The following SLC39A11 variants were observed in gnomAD, a reference collection of about 807,000 sequenced individuals.
SLC39A11 encodes the protein zinc transporter ZIP11.
A neutral mutation model predicts 36.1 loss-of-function variants in SLC39A11; 33 were observed. That is an observed-to-expected ratio of 0.91 (90% CI 0.69 to 1.22). The LOEUF (loss-of-function observed/expected upper bound fraction) is 1.22. SLC39A11 is among the 50% of genes most tolerant of loss of function. The pLI is 0.00. For synonymous variants in SLC39A11, 166 were observed against 170.3 expected (o/e 0.97, Z 0.20); for missense variants, 432 against 430.3 (o/e 1.00, Z -0.03).
rs562720765 is a variant in SLC39A11, at chr17:73,073,591, G to A, written c.147+11217C>T. ...AGTGCAGAACAAGCAAACCTGCAAA[G>A]AATAGAACCTTGGAGGCCCTGGGGC... On this transcript the variant is annotated intron_variant, in intron 3 of 9. Transcript: ENST00000255559. 3 of 152,280 alleles carry A rather than the reference G, an allele frequency of 2.0e-5. No homozygotes were observed. The East Asian group carries it at 5.8e-4, about 29-fold the overall frequency. 9.4% of individuals were successfully genotyped at this position (152,280 alleles called of 1,614,324 possible).
intron 7 of SLC39A11, among the ~76,000 whole-genome samples, chr17:72,710,728 A>C (rs2073077412): frequency 6.6e-6 from 1 of 152,244 alleles, no homozygotes; most frequent in African/African-American, 2.4e-5. Flanking sequence ...TTTTATTTCC[A>C]AGAAGCCACG....
At position 73,088,706 on chromosome 17, in the gene SLC39A11, C is replaced by T. The variant is rs778776401; in HGVS notation, c.59G>A (p.Gly20Glu). 3.1e-6 allele frequency: 5 copies of T among 1,612,670 alleles called. No homozygotes were observed. Among genetic ancestry groups the T allele is most frequent in the South Asian group, 1.1e-5 (1 of 90,642 alleles). ...QALLGTFFTW[G>E]MTAAGAALVF... The stretch of plus-strand genomic sequence containing the variant: ...GAGAGCTGCCCCAGCTGCTGTCATC[C>T]CCCAGGTGAAGAAGGTCCCCAGCAA... Residue 20 changes from glycine to glutamate, a missense_variant, in exon 2 of 10, where the codon GGG (glycine) becomes GAG (glutamate). By Grantham distance (98) the Gly-to-Glu change is moderately conservative. Transcript: ENST00000255559.
chr17:72,965,921 C>T (rs1327223454), intron 4 of SLC39A11, among the ~76,000 whole-genome samples: 1 of 152,174 alleles, frequency 6.6e-6, no homozygotes, highest in Non-Finnish European at 1.5e-5. Flanking sequence ...TGCTCTATAC[C>T]AAACCATCCA....
intron 6 of SLC39A11, among the ~76,000 whole-genome samples, chr17:72,770,231 C>G (rs972363835): frequency 5.3e-5 from 8 of 152,206 alleles, no homozygotes; most frequent in African/African-American, 1.9e-4. Context: ...AGAACAAATA[C>G]TGTCTGATCC....
intron 5 of SLC39A11, among the ~76,000 whole-genome samples, chr17:72,926,679 A>G (rs1014814673): frequency 9.9e-5 from 15 of 152,012 alleles, no homozygotes; most frequent in African/African-American, 3.6e-4. Context: ...GACCATTTCC[A>G]GGGAGCCCAA....
At chr17:73,036,508 G>A (rs750032704) in intron 3 of SLC39A11, among the ~76,000 whole-genome samples, 7 of 151,988 alleles carry the variant, frequency 4.6e-5, no homozygotes, top group Admixed American at 6.6e-5. Context: ...GTGCAGTAGC[G>A]TAATCTCAGC....
At chr17:72,995,825 T>C (rs1441951855) in intron 4 of SLC39A11, among the ~76,000 whole-genome samples, 1 of 152,204 alleles carries the variant, frequency 6.6e-6, no homozygotes, top group Admixed American at 6.5e-5. Context: ...CCTCCATAAC[T>C]GTGCAAACCA....
chr17:72,924,311 G>A (rs942953836), intron 5 of SLC39A11, among the ~76,000 whole-genome samples: 2 of 151,886 alleles, frequency 1.3e-5, no homozygotes, highest in Non-Finnish European at 2.9e-5. Flanking sequence ...GAGCAAAATT[G>A]CTACAGGAAA....
intron 4 of SLC39A11, among the ~76,000 whole-genome samples, chr17:73,022,180 T>C (rs1028683464): frequency 6.6e-6 from 1 of 152,244 alleles, no homozygotes; most frequent in African/African-American, 2.4e-5. Flanking sequence ...ATTCACCAGC[T>C]GCCCTAGAAA....
rs191659991 is a variant in SLC39A11, at chr17:72,789,268, C to T, written c.602-52549G>A. 2.6e-4 allele frequency among the ~76,000 whole-genome samples: 40 copies of T among 152,248 alleles called. No individual in the cohort carries two copies. In the East Asian group the frequency reaches 5.2e-3, roughly 20 times the overall value. Reference sequence around the variant, plus strand: ...CAGGCTGGTCTCAAACTCCTGACCTCGTGATCCGCCCGCCTAGGCCTCCCA... The same window carrying T: ...CAGGCTGGTCTCAAACTCCTGACCTTGTGATCCGCCCGCCTAGGCCTCCCA... On this transcript the variant is annotated intron_variant, in intron 6 of 9. Coordinates refer to ENST00000255559, the MANE Select transcript of SLC39A11 (RefSeq NM_139177.4).
intron 7 of SLC39A11, among the ~76,000 whole-genome samples, chr17:72,703,433 C>A (rs571805151): frequency 6.6e-6 from 1 of 152,008 alleles, no homozygotes; most frequent in Admixed American, 6.6e-5. Context: ...ACACAGTAAG[C>A]AAAAGAACAC....
chr17:72,649,090 C>G, intron 8 of SLC39A11, 80 bp downstream of exon 8: 2 of 1,555,210 alleles, frequency 1.3e-6, no homozygotes, highest in Non-Finnish European at 1.8e-6. Flanking sequence ...CATGGCAGTG[C>G]AAAAGCACAT....
chr17:73,067,940 C>T, intron 3 of SLC39A11: 2 of 1,602,048 alleles, frequency 1.2e-6, no homozygotes, highest in African/African-American at 2.7e-5. Flanking sequence ...AGAGAGAGTT[C>T]CAACTTCTTG....
chr17:72,906,442 G>T lies in SLC39A11; in HGVS notation c.430+41310C>A, dbSNP rs147665069. On this transcript the variant is annotated intron_variant, in intron 5 of 9. Coordinates refer to ENST00000255559, the MANE Select transcript of SLC39A11 (RefSeq NM_139177.4). ...CCTTCCTACCCAAAACCAGAACGGG[G>T]CTTGGCTGGGTCTGTGCACACAGTT... 6.2e-3 allele frequency among the ~76,000 whole-genome samples: 946 copies of T among 152,360 alleles called. 6 individuals are homozygous for T. Among genetic ancestry groups the T allele is most frequent in the Middle Eastern group, 0.014 (4 of 294 alleles).
At chr17:73,031,497 T>A (rs117499947) in intron 4 of SLC39A11, 59 bp downstream of exon 4, 12 of 1,576,788 alleles carry the variant, frequency 7.6e-6, no homozygotes, top group Middle Eastern at 1.7e-4. Flanking sequence ...CAGAAATAAA[T>A]TCATTGCACA....
intron 3 of SLC39A11, among the ~76,000 whole-genome samples, chr17:73,081,771 A>AAATG (rs2060542955): frequency 6.6e-6 from 1 of 150,458 alleles, no homozygotes; most frequent in Admixed American, 6.7e-5. Flanking sequence ...GTATATACAT[A>AAATG]TATATATCAT....
intron 4 of SLC39A11, among the ~76,000 whole-genome samples, chr17:72,984,438 T>C (rs1048214523): frequency 1.3e-5 from 2 of 152,088 alleles, no homozygotes; most frequent in African/African-American, 4.8e-5. Flanking sequence ...TTCCTTTCCC[T>C]TGGGTGTTGT....
chr17:72,706,681 G>C (rs1220401016), intron 7 of SLC39A11, among the ~76,000 whole-genome samples: 2 of 152,212 alleles, frequency 1.3e-5, no homozygotes, highest in Non-Finnish European at 2.9e-5. Flanking sequence ...ACCCAAGTTA[G>C]AGCTTGCTTA....
At chr17:73,054,191 G>A (rs931365523) in intron 3 of SLC39A11, among the ~76,000 whole-genome samples, 4 of 151,824 alleles carry the variant, frequency 2.6e-5, no homozygotes, top group African/African-American at 4.8e-5. Context: ...GTGAAACCCC[G>A]TGTCTACTAA....
Sources: gnomAD v4.1 joint callset for allele counts (sites outside exome capture counted in the v4.1 genomes callset) on GRCh38, gnomAD v4.1.1 for gene constraint, MANE v1.5 for transcripts, NCBI Gene and HGNC (gene_info 2026-07-23, HGNC 2026-07-21) for gene names.